The following YWHAB variants were observed in gnomAD, a reference collection of about 807,000 sequenced individuals.
YWHAB encodes tyrosine 3-monooxygenase/tryptophan 5-monooxygenase activation protein beta, also known as 14-3-3 protein beta/alpha.
YWHAB carries 2 observed loss-of-function variants against 28.5 expected under a neutral mutation model. The ratio of observed to expected loss-of-function variants is 0.07; its 90% CI spans 0.03 to 0.22. The LOEUF is 0.22. Ranked by LOEUF, YWHAB falls within the 10% of genes least tolerant of loss-of-function variation. YWHAB has a pLI of 1.00. For synonymous variants in YWHAB, 103 were observed against 104.7 expected (o/e 0.98, Z 0.10); for missense variants, 148 against 297.1 (o/e 0.50, Z 3.69).
At chr20:44,901,413 T>C in intron 1 of YWHAB, 118 bp from the exon 2 acceptor site, 1 of 1,027,372 alleles carries the variant, frequency 9.7e-7, no homozygotes, top group Non-Finnish European at 1.4e-6. Flanking sequence ...GCATTTGGAA[T>C]GAGATGTTTC....
intron 1 of YWHAB, among the ~76,000 whole-genome samples, chr20:44,889,392 C>G (rs2066546964): frequency 6.6e-6 from 1 of 151,936 alleles, no homozygotes; most frequent in African/African-American, 2.4e-5. Flanking sequence ...TTATATGTAT[C>G]TGATACTTGT....
intron 2 of YWHAB, chr20:44,903,332 C>T (rs1332762228): frequency 6.5e-6 from 1 of 154,898 alleles, no homozygotes; most frequent in Non-Finnish European, 1.4e-5. Flanking sequence ...TGTCCAGAGT[C>T]ATACAGATAA....
In YWHAB at chr20:44,904,024, C is replaced by A; in HGVS notation, c.332C>A (p.Ala111Asp). Residue 111 changes from alanine (A) to aspartate (D), a missense_variant, in exon 3 of 6, where the codon GCT becomes GAT. Coordinates refer to ENST00000353703, the MANE Select transcript of YWHAB (RefSeq NM_139323.4). ...ELLDKYLIPNATQPESKVFYL... is the reference protein window; with the variant it reads ...ELLDKYLIPNDTQPESKVFYL... ...TTGGACAAATATCTTATTCCCAATG[C>A]TACACAACCAGAAAGTAAGGTGTTC... 1 of 1,600,036 alleles carries A rather than the reference C, an allele frequency of 6.2e-7. No homozygotes were observed. The highest frequency in any genetic ancestry group is 8.5e-7 in the Non-Finnish European group (1 of 1,176,700).
rs1475106940 is a variant in YWHAB at position 44,907,065 on chromosome 20, T to C, written c.*627T>C. On this transcript the variant is annotated 3_prime_UTR_variant, in exon 6 of 6. Transcript: ENST00000353703. ...CTCGAATCCTGAAATGGAAATTCTT[T>C]GTGGCAGATAACTGGCTTATGACAC... is the stretch of plus-strand genomic sequence containing the variant. 2.0e-5 allele frequency: 3 copies of C among 152,298 alleles called. No individual in the cohort carries two copies. The highest frequency in any genetic ancestry group is 1.3e-4 in the Admixed American group (2 of 15,286). The allele number at this position is 152,298 out of a possible 1,614,324, so 9.4% of individuals were successfully genotyped here.
At chr20:44,895,165 C>A (rs2066588700) in intron 1 of YWHAB, among the ~76,000 whole-genome samples, 1 of 151,990 alleles carries the variant, frequency 6.6e-6, no homozygotes, top group Non-Finnish European at 1.5e-5. Context: ...GGTTTGTAGC[C>A]CTAGAAGAAT....
chr20:44,904,955 C>G lies in YWHAB; in HGVS notation c.425-13C>G, dbSNP rs1003049045. 1.3e-6 allele frequency: 2 copies of G among 1,571,852 alleles called. No homozygotes were observed. Among genetic ancestry groups the G allele is most frequent in the East Asian group, 2.3e-5 (1 of 44,146 alleles). ...AGAACCGAGCCTTTAATATTTTCAT[C>G]TTTATGTTACAGCCACTGTGTCGAA... On this transcript the variant is annotated splice_polypyrimidine_tract_variant and intron_variant, in intron 3 of 5. Transcript: ENST00000353703.
chr20:44,904,991 G>T lies in YWHAB; in HGVS notation c.448G>T (p.Ala150Ser). Residue 150 changes from alanine to serine, a missense_variant, in exon 4 of 6, where the codon GCT becomes TCT. Ala to Ser is a moderately conservative substitution (Grantham distance 99). This residue lies in a region of YWHAB where 38 missense variants were observed against 119.2 expected (regional missense o/e 0.32). Transcript: ENST00000353703. ...KQTTVSNSQQ[A>S]YQEAFEISKK... ...AGCCACTGTGTCGAACTCCCAGCAG[G>T]CTTACCAGGAAGCATTTGAAATTAG... 6.2e-7 allele frequency: 1 copy of T among 1,607,744 alleles called. No homozygotes were observed. The highest frequency in any genetic ancestry group is 8.5e-7 in the Non-Finnish European group (1 of 1,175,892).
Position 44,907,112 on chromosome 20 carries a change from TATAAC to T in YWHAB, c.*676_*680del, listed in dbSNP as rs2066662386. On this transcript the variant is annotated 3_prime_UTR_variant, in exon 6 of 6. Transcript: ENST00000353703. ...ACACCTTGAAAAGTTCAAGTGCTCA[TATAAC>T]ACACCACACTGAACCCCCTTTCCTA... is the stretch of plus-strand genomic sequence containing the variant. The T allele has an allele frequency of 1.3e-5, 2 of 152,270 alleles. No homozygotes were observed. The highest frequency in any genetic ancestry group is 2.4e-5 in the African/African-American group (1 of 41,452). The allele number at this position is 152,270 out of a possible 1,614,324, so 9.4% of individuals were successfully genotyped here. A position where few individuals can be genotyped will look rare whatever the true frequency, so the allele number is the denominator to read the frequency against.
intron 1 of YWHAB, among the ~76,000 whole-genome samples, chr20:44,896,138 A>G (rs1489947439): frequency 6.6e-6 from 1 of 152,262 alleles, no homozygotes; most frequent in African/African-American, 2.4e-5. Flanking sequence ...GCCGTCCCAT[A>G]GGAATAGAAT....
chr20:44,897,695 A>G (rs896960171), intron 1 of YWHAB, among the ~76,000 whole-genome samples: 7 of 152,086 alleles, frequency 4.6e-5, no homozygotes, highest in Admixed American at 2.6e-4. Flanking sequence ...ATTTTCCACC[A>G]CGGTTGGTTG....
chr20:44,888,736 C>G (rs561495829), intron 1 of YWHAB, among the ~76,000 whole-genome samples: 1 of 152,314 alleles, frequency 6.6e-6, no homozygotes, highest in African/African-American at 2.4e-5. Context: ...CATCAGGAAG[C>G]AAGCTTGTGA....
intron 1 of YWHAB, among the ~76,000 whole-genome samples, chr20:44,888,548 G>C (rs1011837560): frequency 6.6e-6 from 1 of 152,224 alleles, no homozygotes; most frequent in African/African-American, 2.4e-5. Flanking sequence ...ATGTGGTAGA[G>C]ACAGCACATG....
intron 1 of YWHAB, chr20:44,887,755 GAA>G (rs1054463965): frequency 2.0e-5 from 3 of 152,210 alleles, no homozygotes; most frequent in African/African-American, 7.2e-5. Flanking sequence ...AAATTTGGTT[GAA>G]ATCTTGCCTG....
At chr20:44,901,463 T>A (rs2066626025) in intron 1 of YWHAB, 68 bp from the exon 2 acceptor site, 3 of 1,470,690 alleles carry the variant, frequency 2.0e-6, no homozygotes, top group Non-Finnish European at 2.8e-6. Flanking sequence ...TGGAAGAAGA[T>A]TCACACACGT....
chr20:44,903,922 A>G (rs905836596), intron 2 of YWHAB, 71 bp from the exon 3 acceptor site: 1 of 1,528,828 alleles, frequency 6.5e-7, no homozygotes, highest in Non-Finnish European at 8.8e-7. Flanking sequence ...AGTAGTGTAT[A>G]TCTTGAATCT....
intron 1 of YWHAB, chr20:44,886,095 G>A (rs2066525306): frequency 6.6e-6 from 1 of 152,308 alleles, no homozygotes; most frequent in South Asian, 2.1e-4. Context: ...CTCTTGGAGA[G>A]GCTCGGGCCG....
At chr20:44,893,666 G>A (rs1009025280) in intron 1 of YWHAB, among the ~76,000 whole-genome samples, 1 of 138,516 alleles carries the variant, frequency 7.2e-6, no homozygotes, top group Non-Finnish European at 1.6e-5. Flanking sequence ...ACGTAATCTT[G>A]TACCATCTAT....
chr20:44,892,928 A>G (rs1473728789), intron 1 of YWHAB, among the ~76,000 whole-genome samples: 1 of 152,194 alleles, frequency 6.6e-6, no homozygotes, highest in East Asian at 1.9e-4. Flanking sequence ...GAAATTTCTA[A>G]CAAATTATTA....
intron 4 of YWHAB, 189 bp from the exon 5 acceptor site, chr20:44,905,812 G>T (rs542247286): frequency 3.9e-6 from 2 of 515,674 alleles, no homozygotes; most frequent in Non-Finnish European, 6.9e-6. Context: ...TTCTGTCATT[G>T]TTGGTTGGTG....
Sources: allele counts gnomAD v4.1 joint callset (sites outside exome capture counted in the v4.1 genomes callset), GRCh38; gene constraint gnomAD v4.1.1; regional missense constraint gnomAD v4.1.1; transcripts MANE v1.5; gene names NCBI Gene and HGNC (gene_info 2026-07-23, HGNC 2026-07-21).